The following FBXO42 variants were observed in gnomAD, a reference collection of about 807,000 sequenced individuals.
FBXO42 encodes the protein F-box protein 42.
In FBXO42, 12 loss-of-function variants were observed where a neutral mutation model predicts 71.7. The observed-to-expected ratio is 0.17, with a 90% CI of 0.11 to 0.27. The LOEUF (loss-of-function observed/expected upper bound fraction) is 0.27. Ranked by LOEUF, FBXO42 falls within the 10% of genes least tolerant of loss-of-function variation. The pLI is 1.00. For missense variants in FBXO42, 707 were observed against 911.9 expected (o/e 0.78, Z 2.89); for synonymous variants, 325 against 327.5 (o/e 0.99, Z 0.08).
intron 1 of FBXO42, among the ~76,000 whole-genome samples, chr1:16,321,445 G>GT (rs2082408664): frequency 6.6e-6 from 1 of 152,054 alleles, no homozygotes; most frequent in East Asian, 1.9e-4. Flanking sequence ...CTTTTCACAC[G>GT]TAAGCATACT....
intron 2 of FBXO42, among the ~76,000 whole-genome samples, chr1:16,311,443 A>G (rs921971071): frequency 1.4e-5 from 2 of 147,466 alleles, no homozygotes; most frequent in African/African-American, 5.0e-5. Context: ...AGCTATGACC[A>G]TGCCACTGTG....
At chr1:16,320,718 G>A (rs1319067035) in intron 1 of FBXO42, among the ~76,000 whole-genome samples, 2 of 151,588 alleles carry the variant, frequency 1.3e-5, no homozygotes, top group Non-Finnish European at 2.9e-5. Context: ...GAGTGCAGTG[G>A]CATGATCAAA....
At chr1:16,311,746 C>T (rs2082315518) in intron 2 of FBXO42, among the ~76,000 whole-genome samples, 1 of 151,966 alleles carries the variant, frequency 6.6e-6, no homozygotes, top group South Asian at 2.1e-4. Flanking sequence ...GCAAAAGGAA[C>T]TCTCATTCAC....
intron 1 of FBXO42, among the ~76,000 whole-genome samples, chr1:16,350,198 G>A (rs1444644346): frequency 6.6e-6 from 1 of 152,070 alleles, no homozygotes; most frequent in Non-Finnish European, 1.5e-5. Context: ...AGCAAATGAT[G>A]TCATGGATGT....
chr1:16,268,671 A>G (rs2081803719), intron 4 of FBXO42, among the ~76,000 whole-genome samples: 1 of 152,082 alleles, frequency 6.6e-6, no homozygotes, highest in South Asian at 2.1e-4. Context: ...TCACTTTAAT[A>G]AGAACAAAGA....
chr1:16,248,169 C>G lies in FBXO42; in HGVS notation c.*2501G>C, dbSNP rs2081553751. On this transcript the variant is annotated 3_prime_UTR_variant, in exon 10 of 10. Transcript: ENST00000375592. ...GGCATTGTGGAAATGCTCGCCTTGG[C>G]CGAGACACGTGAAGTCCCACCGCAC... is the stretch of plus-strand genomic sequence containing the variant. 1 of 152,098 alleles carries G rather than the reference C, an allele frequency of 6.6e-6. No individual in the cohort carries two copies. Among genetic ancestry groups the G allele is most frequent in the African/African-American group, 2.4e-5 (1 of 41,398 alleles). The allele number at this position is 152,098 out of a possible 1,614,324, so 9.4% of individuals were successfully genotyped here. A position where few individuals can be genotyped will look rare whatever the true frequency, so the allele number is the denominator to read the frequency against.
chr1:16,316,730 C>CAAAAAAAAAAAAAAAAAAAAAA lies in FBXO42; in HGVS notation c.-17-1317_-17-1296dup, dbSNP rs71003274. 3.9e-5 allele frequency among the ~76,000 whole-genome samples: 2 copies of CAAAAAAAAAAAAAAAAAAAAAA among 51,570 alleles called. 1 individual carries two copies. The highest frequency in any genetic ancestry group is 6.8e-5 in the Non-Finnish European group (2 of 29,264). 33.8% of individuals were successfully genotyped at this position (51,570 alleles called of 152,430 possible). ...AGCCTGGGACACAGAGAAAGACTCT[C>CAAAAAAAAAAAAAAAAAAAAAA]AAAAAAAAAAAAAAAAAAAAAAAAG... On this transcript the variant is annotated intron_variant, in intron 1 of 9. Transcript: ENST00000375592.
At chr1:16,276,801 G>A (rs947390076) in intron 4 of FBXO42, among the ~76,000 whole-genome samples, 5 of 152,248 alleles carry the variant, frequency 3.3e-5, no homozygotes, top group African/African-American at 1.2e-4. Context: ...GAACCCAAGA[G>A]TAAACAAAAA....
intron 3 of FBXO42, among the ~76,000 whole-genome samples, chr1:16,298,171 A>T (rs1333214378): frequency 6.6e-6 from 1 of 152,118 alleles, no homozygotes; most frequent in African/African-American, 2.4e-5. Flanking sequence ...GGTTGCAGCG[A>T]GCTGAGATTG....
At position 16,328,774 on chromosome 1, in the gene FBXO42, G is replaced by A. The variant is rs566486656; in HGVS notation, c.-17-13339C>T. On this transcript the variant is annotated intron_variant, in intron 1 of 9. Coordinates refer to ENST00000375592, the MANE Select transcript of FBXO42 (RefSeq NM_018994.3). Reference sequence around the variant, plus strand: ...AGAAACCAGGGCTCCTTGGTGAAACGGCAGAATCTAGGAGGACAGGAAATA... The same window carrying A: ...AGAAACCAGGGCTCCTTGGTGAAACAGCAGAATCTAGGAGGACAGGAAATA... 1.3e-3 allele frequency among the ~76,000 whole-genome samples: 201 copies of A among 152,236 alleles called. No homozygotes were observed. The Middle Eastern group carries it at 0.014, about 10-fold the overall frequency.
chr1:16,259,933 T>G (rs78176400), intron 4 of FBXO42, among the ~76,000 whole-genome samples: 4,641 of 152,244 alleles, frequency 0.03, 215 homozygotes, highest in African/African-American at 0.11. Flanking sequence ...AAGTCACCAC[T>G]GGCCACATGT....
At chr1:16,329,890 A>G (rs1482496540) in intron 1 of FBXO42, among the ~76,000 whole-genome samples, 1 of 151,934 alleles carries the variant, frequency 6.6e-6, no homozygotes, top group Non-Finnish European at 1.5e-5. Flanking sequence ...CAGAGGTTGG[A>G]GTGAGCCAAG....
At position 16,250,778 on chromosome 1, in the gene FBXO42, T is replaced by C. The variant is rs1404662666; in HGVS notation, c.2046A>G (p.Val682=). 7 of 1,614,234 alleles carry C rather than the reference T, an allele frequency of 4.3e-6. No individual in the cohort carries two copies. The highest frequency in any genetic ancestry group is 5.1e-6 in the Non-Finnish European group (6 of 1,180,040). The change falls in exon 10 of 10, where the codon GTA becomes GTG. Residue 682 remains valine, a synonymous_variant. Coordinates refer to ENST00000375592, the MANE Select transcript of FBXO42 (RefSeq NM_018994.3). The surrounding 1 kb of genome is among the most constrained non-coding windows in gnomAD (Gnocchi z 4.7). ...GPPETSLHTV[V]QGRGELIIFG... is the part of the protein sequence containing the mutation. The stretch of plus-strand genomic sequence containing the variant: ...ATATGATGAGTTCACCCCTGCCTTG[T>C]ACCACGGTATGCAGGCTGGTTTCAG...
chr1:16,344,641 T>C (rs1168836473), intron 1 of FBXO42, among the ~76,000 whole-genome samples: 1 of 152,008 alleles, frequency 6.6e-6, no homozygotes, highest in Non-Finnish European at 1.5e-5. Context: ...CATCCAGTTG[T>C]TACATTTTTA....
intron 3 of FBXO42, among the ~76,000 whole-genome samples, chr1:16,303,345 C>T (rs1166182766): frequency 2.0e-5 from 3 of 152,182 alleles, no homozygotes; most frequent in African/African-American, 7.2e-5. Flanking sequence ...ATCTTTTTAT[C>T]TGTAGGACTG....
At chr1:16,276,216 T>C (rs1337423404) in intron 4 of FBXO42, among the ~76,000 whole-genome samples, 1 of 151,210 alleles carries the variant, frequency 6.6e-6, no homozygotes, top group Non-Finnish European at 1.5e-5. Context: ...CCCGTTCTAC[T>C]AAAAATACAA....
chr1:16,340,839 T>G (rs2082597595), intron 1 of FBXO42, among the ~76,000 whole-genome samples: 2 of 152,180 alleles, frequency 1.3e-5, no homozygotes, highest in South Asian at 4.1e-4. Context: ...ATGAGGAAAG[T>G]GAGGTCAGAA....
intron 1 of FBXO42, among the ~76,000 whole-genome samples, chr1:16,328,796 AATAT>A (rs930953191): frequency 6.6e-6 from 1 of 152,152 alleles, no homozygotes; most frequent in Admixed American, 6.6e-5. Context: ...GAGGACAGGA[AATAT>A]ATAAGATGAG....
chr1:16,330,936 C>T (rs1253770704), intron 1 of FBXO42, among the ~76,000 whole-genome samples: 2 of 151,684 alleles, frequency 1.3e-5, no homozygotes, highest in African/African-American at 4.8e-5. Flanking sequence ...GAGCAAGACT[C>T]TGTCTCAAAA....
Sources: gnomAD v4.1 joint callset for allele counts (sites outside exome capture counted in the v4.1 genomes callset) on GRCh38, gnomAD v4.1.1 for gene constraint, Gnocchi (gnomAD v3.1) non-coding constraint, MANE v1.5 for transcripts, NCBI Gene and HGNC (gene_info 2026-07-23, HGNC 2026-07-21) for gene names.